The following SESTD1 variants were observed in gnomAD, a reference collection of about 807,000 sequenced individuals.
The protein encoded by SESTD1 is SEC14 domain and spectrin repeat-containing protein 1.
In SESTD1, 43 loss-of-function variants were observed where a neutral mutation model predicts 101.7. The observed-to-expected ratio is 0.42, with a 90% CI of 0.33 to 0.55. The LOEUF (loss-of-function observed/expected upper bound fraction) is 0.55. SESTD1 is among the 20% of genes least tolerant of loss of function. SESTD1 has a pLI of 0.07. For missense variants in SESTD1, 647 were observed against 815.1 expected (o/e 0.79, Z 2.51); for synonymous variants, 283 against 286.8 (o/e 0.99, Z 0.13).
rs563070638 is a variant in SESTD1, at chr2:179,111,759, A to G, written c.1961+965T>C. ...TTTTGAGACGGAGTCTTGCTCTGTC[A>G]CCCAGGCTGGAGCGCAGTGGCGTGA... On this transcript the variant is annotated intron_variant, in intron 17 of 17. Transcript: ENST00000428443. Among the ~76,000 whole-genome samples the G allele has an allele frequency of 1.2e-3, 170 of 138,688 alleles. 1 individual carries two copies. Among genetic ancestry groups the G allele is most frequent in the Middle Eastern group, 0.012 (3 of 256 alleles). The allele number at this position is 138,688 out of a possible 152,430, so 91.0% of individuals were successfully genotyped here.
At chr2:179,219,677 T>C (rs1357751741) in intron 1 of SESTD1, among the ~76,000 whole-genome samples, 1 of 152,242 alleles carries the variant, frequency 6.6e-6, no homozygotes, top group Non-Finnish European at 1.5e-5. Context: ...TTTAGGATAA[T>C]AAATTGGTGA....
At chr2:179,144,807 A>T (rs1172878026) in intron 8 of SESTD1, among the ~76,000 whole-genome samples, 1 of 152,074 alleles carries the variant, frequency 6.6e-6, no homozygotes, top group Non-Finnish European at 1.5e-5. Context: ...CATATAAAAT[A>T]GGACCTAGTA....
intron 1 of SESTD1, among the ~76,000 whole-genome samples, chr2:179,229,782 TACACAC>T (rs141203169): frequency 0.21 from 23,928 of 113,758 alleles, 2,586 homozygotes; most frequent in South Asian, 0.37. Flanking sequence ...TATACTCAAA[TACACAC>T]ACACACACAC....
intron 1 of SESTD1, among the ~76,000 whole-genome samples, chr2:179,238,103 T>C (rs1329424773): frequency 6.6e-6 from 1 of 152,146 alleles, no homozygotes; most frequent in Non-Finnish European, 1.5e-5. Context: ...TAAAATCTTA[T>C]TAAGAAAATC....
At chr2:179,185,677 C>CATACTATATATAATATAGT (rs2046209267) in intron 2 of SESTD1, among the ~76,000 whole-genome samples, 1 of 49,700 alleles carries the variant, frequency 2.0e-5, no homozygotes, top group Admixed American at 3.0e-4. Flanking sequence ...TATAATATAG[C>CATACTATATATAATATAGT]ATATTATATA....
At chr2:179,116,919 G>T in intron 14 of SESTD1, 129 bp from the exon 15 acceptor site, 1 of 1,258,128 alleles carries the variant, frequency 7.9e-7, no homozygotes. Flanking sequence ...AGTCTTAAAA[G>T]CTTATTTCAT....
chr2:179,146,205 C>T (rs2045392560), intron 8 of SESTD1, among the ~76,000 whole-genome samples, 197 bp downstream of exon 8: 1 of 152,104 alleles, frequency 6.6e-6, no homozygotes, highest in Non-Finnish European at 1.5e-5. Flanking sequence ...TGAGGTGGAA[C>T]AGTTTTATTC....
intron 1 of SESTD1, among the ~76,000 whole-genome samples, chr2:179,221,148 A>G (rs1173109976): frequency 1.3e-5 from 2 of 152,176 alleles, no homozygotes; most frequent in African/African-American, 4.8e-5. Context: ...ACCAAACACT[A>G]CATTGGGGAG....
At chr2:179,181,949 A>C (rs2046119324) in intron 3 of SESTD1, among the ~76,000 whole-genome samples, 1 of 151,420 alleles carries the variant, frequency 6.6e-6, no homozygotes, top group Admixed American at 6.6e-5. Context: ...GAAACTGAAA[A>C]AATTGAAAAT....
intron 1 of SESTD1, among the ~76,000 whole-genome samples, chr2:179,195,052 T>C (rs1403845885): frequency 6.6e-6 from 1 of 152,220 alleles, no homozygotes; most frequent in Non-Finnish European, 1.5e-5. Context: ...CAGGCTTAAC[T>C]GCTGGCTGCT....
chr2:179,194,603 C>T lies in SESTD1; in HGVS notation c.-25-2737G>A, dbSNP rs116340629. Among the ~76,000 whole-genome samples, 218 of 152,198 alleles carry T rather than the reference C, an allele frequency of 1.4e-3. 1 individual carries two copies. Among genetic ancestry groups the T allele is most frequent in the African/African-American group, 4.5e-3 (187 of 41,534 alleles). ...TGCATACCCCAAACCCCCAGGAGTC[C>T]GGCCCTGGGAGAACGGCAATGCCTT... On this transcript the variant is annotated intron_variant, in intron 1 of 17. Coordinates refer to ENST00000428443, the MANE Select transcript of SESTD1 (RefSeq NM_178123.5).
At chr2:179,249,207 C>A (rs1201072271) in intron 1 of SESTD1, among the ~76,000 whole-genome samples, 15 of 88,244 alleles carry the variant, frequency 1.7e-4, no homozygotes, top group South Asian at 4.1e-4. Flanking sequence ...AAAAGGCATA[C>A]AGATTAAAAA....
chr2:179,135,798 A>C (rs895576488), intron 9 of SESTD1, among the ~76,000 whole-genome samples: 2 of 152,198 alleles, frequency 1.3e-5, no homozygotes, highest in Admixed American at 1.3e-4. Context: ...CTCAAAAACA[A>C]AAAAGTCAAA....
intron 16 of SESTD1, among the ~76,000 whole-genome samples, chr2:179,113,135 A>G (rs2044549445): frequency 6.6e-6 from 1 of 152,198 alleles, no homozygotes; most frequent in Non-Finnish European, 1.5e-5. Context: ...GAAAATAACT[A>G]GACTACTATT....
At chr2:179,230,612 A>G (rs1457600921) in intron 1 of SESTD1, among the ~76,000 whole-genome samples, 1 of 152,146 alleles carries the variant, frequency 6.6e-6, no homozygotes, top group Non-Finnish European at 1.5e-5. Flanking sequence ...GAAAACAGGA[A>G]AAGAACCAAG....
intron 1 of SESTD1, among the ~76,000 whole-genome samples, chr2:179,198,481 C>A (rs1362293114): frequency 1.3e-5 from 2 of 152,154 alleles, no homozygotes; most frequent in South Asian, 4.1e-4. Flanking sequence ...GAACTCTCCA[C>A]CCCAAATCAA....
At chr2:179,200,130 AACAG>A (rs1220250337) in intron 1 of SESTD1, among the ~76,000 whole-genome samples, 2 of 152,086 alleles carry the variant, frequency 1.3e-5, no homozygotes, top group South Asian at 2.1e-4. Flanking sequence ...ATACACCAAC[AACAG>A]ACAGAGAGCC....
intron 1 of SESTD1, among the ~76,000 whole-genome samples, chr2:179,196,751 T>C (rs1486073555): frequency 5.3e-5 from 8 of 152,046 alleles, no homozygotes; most frequent in Non-Finnish European, 1.5e-5. Flanking sequence ...GAGGGTCCTG[T>C]CTGTTAGAAG....
intron 5 of SESTD1, among the ~76,000 whole-genome samples, chr2:179,166,323 A>G (rs2045833718): frequency 6.6e-6 from 1 of 152,172 alleles, no homozygotes. Context: ...ACTAATGGAA[A>G]GGCATGAAGC....
Sources: allele counts gnomAD v4.1 joint callset (sites outside exome capture counted in the v4.1 genomes callset), GRCh38; gene constraint gnomAD v4.1.1; transcripts MANE v1.5; gene names NCBI Gene and HGNC (gene_info 2026-07-23, HGNC 2026-07-21).